The following TRAPPC8 variants were observed in gnomAD, a reference collection of about 807,000 sequenced individuals.
The protein encoded by TRAPPC8 is general sporulation gene 1 homolog.
A neutral mutation model predicts 174.3 loss-of-function variants in TRAPPC8; 54 were observed. That is an observed-to-expected ratio of 0.31 (90% confidence interval 0.25 to 0.39). The LOEUF is 0.39. TRAPPC8 is among the 10% of genes least tolerant of loss of function. TRAPPC8 has a pLI of 1.00. For missense variants in TRAPPC8, 1,531 were observed against 1,699.1 expected (o/e 0.90, Z 1.74); for synonymous variants, 630 against 579.9 (o/e 1.09, Z -1.24).
In TRAPPC8 at chr18:31,877,753, G is replaced by A. The variant is rs535339875; in HGVS notation, c.1729-3049C>T. ...AGCCTGACCAACATGGTGAAACCCC[G>A]TCTCTACTAAAAATACAAAATTAGC... On this transcript the variant is annotated intron_variant, in intron 12 of 28. Coordinates refer to ENST00000283351, the MANE Select transcript of TRAPPC8 (RefSeq NM_014939.5). Among the ~76,000 whole-genome samples the A allele has an allele frequency of 7.9e-5, 12 of 151,274 alleles. No homozygotes were observed. In the South Asian group the frequency reaches 8.4e-4, roughly 11 times the overall value.
In TRAPPC8 at chr18:31,860,028, A is replaced by G. The variant is rs185690514; in HGVS notation, c.2746-2046T>C. On this transcript the variant is annotated intron_variant, in intron 19 of 28. Transcript: ENST00000283351. ...AAGACTCCGTCTCAAAAAAAAAAAA[A>G]GAACAAGTATATTTAGCCTTTACCT... is the stretch of plus-strand genomic sequence containing the variant. Among the ~76,000 whole-genome samples the G allele has an allele frequency of 8.8e-3, 1,343 of 152,008 alleles. 20 individuals are homozygous for G. Among genetic ancestry groups the G allele is most frequent in the African/African-American group, 0.03 (1,235 of 41,462 alleles).
intron 2 of TRAPPC8, among the ~76,000 whole-genome samples, chr18:31,924,198 T>C (rs1230338269): frequency 1.3e-5 from 2 of 151,280 alleles, no homozygotes; most frequent in African/African-American, 2.4e-5. Flanking sequence ...GGCAGGAGAA[T>C]TGCTTGAACT....
chr18:31,909,033 T>C (rs949657068), intron 6 of TRAPPC8, 23 bp from the exon 7 acceptor site: 7 of 1,580,358 alleles, frequency 4.4e-6, no homozygotes, highest in Non-Finnish European at 4.3e-6. Context: ...AGATTATTTC[T>C]TTTACTCTCA....
intron 20 of TRAPPC8, among the ~76,000 whole-genome samples, chr18:31,856,364 G>A (rs1241032134): frequency 6.6e-6 from 1 of 152,080 alleles, no homozygotes; most frequent in Non-Finnish European, 1.5e-5. Flanking sequence ...TTAATGTGCT[G>A]TACTTTGGTG....
chr18:31,880,092 T>A (rs59559858), intron 12 of TRAPPC8, among the ~76,000 whole-genome samples: 38,472 of 80,926 alleles, frequency 0.48, 7,802 homozygotes, highest in Middle Eastern at 0.62. Flanking sequence ...AAAAAAAAAA[T>A]ATATATATAT....
chr18:31,911,179 T>C (rs1018343246), intron 5 of TRAPPC8, among the ~76,000 whole-genome samples: 1 of 152,230 alleles, frequency 6.6e-6, no homozygotes. Context: ...ACAGAGTGCA[T>C]AATATAGTTT....
chr18:31,942,447 C>G, intron 1 of TRAPPC8, 161 bp downstream of exon 1: 2 of 945,492 alleles, frequency 2.1e-6, no homozygotes, highest in Non-Finnish European at 3.0e-6. Context: ...CACGGTCCCT[C>G]CTCCAGCCGC....
Position 31,927,601 on chromosome 18 carries a change from A to G in TRAPPC8, c.352+3728T>C, listed in dbSNP as rs144085671. On this transcript the variant is annotated intron_variant, in intron 2 of 28. Transcript: ENST00000283351. Reference sequence around the variant, plus strand: ...AAAATTTTCTTCAGATGGGGTCTCAATATGTTACCCAGGCTGGTCTTGAAC... The same window carrying G: ...AAAATTTTCTTCAGATGGGGTCTCAGTATGTTACCCAGGCTGGTCTTGAAC... Among the ~76,000 whole-genome samples, 1,065 of 151,948 alleles carry G rather than the reference A, an allele frequency of 7.0e-3. 13 individuals are homozygous for G. Among genetic ancestry groups the G allele is most frequent in the African/African-American group, 0.025 (1,022 of 41,446 alleles).
In TRAPPC8 at chr18:31,832,857, T is replaced by G. The variant is rs114210749; in HGVS notation, c.3984-684A>C. 3.3e-3 allele frequency among the ~76,000 whole-genome samples: 495 copies of G among 152,304 alleles called. 2 individuals are homozygous for G. Among genetic ancestry groups the G allele is most frequent in the African/African-American group, 0.011 (462 of 41,576 alleles). ...AATGAAGCAGGGTTATATACTATTA[T>G]CTACCTTTTACTCTATAAACACAAA... On this transcript the variant is annotated intron_variant, in intron 27 of 28. Transcript: ENST00000283351.
intron 25 of TRAPPC8, among the ~76,000 whole-genome samples, chr18:31,847,650 G>A (rs553370221): frequency 7.9e-5 from 12 of 152,236 alleles, no homozygotes; most frequent in African/African-American, 2.9e-4. Flanking sequence ...GATGGCTCAG[G>A]ACCTGTTCAG....
chr18:31,937,196 G>A (rs1435760335), intron 1 of TRAPPC8, among the ~76,000 whole-genome samples: 1 of 152,168 alleles, frequency 6.6e-6, no homozygotes. Context: ...CTGGGTGACA[G>A]AGCGAGACTC....
intron 1 of TRAPPC8, among the ~76,000 whole-genome samples, chr18:31,932,180 A>G (rs1014567483): frequency 6.6e-6 from 1 of 152,194 alleles, no homozygotes; most frequent in Non-Finnish European, 1.5e-5. Context: ...CTATAATCAC[A>G]GCACTTTGGG....
chr18:31,897,684 G>A lies in TRAPPC8; in HGVS notation c.1596+102C>T, dbSNP rs2036238094. On this transcript the variant is annotated intron_variant, in intron 11 of 28. Transcript: ENST00000283351. The stretch of plus-strand genomic sequence containing the variant: ...TAAATTCCCAAAGACAGATTTCCCT[G>A]GCTAATTTTATGTTTTGTAAAGCCT... The A allele has an allele frequency of 5.0e-6, 4 of 801,276 alleles. No homozygotes were observed. In the African/African-American group the frequency reaches 5.4e-5, roughly 11 times the overall value. 49.6% of individuals were successfully genotyped at this position (801,276 alleles called of 1,614,324 possible). A position where few individuals can be genotyped will look rare whatever the true frequency, so the allele number is the denominator to read the frequency against.
chr18:31,859,617 T>C (rs1026406341), intron 19 of TRAPPC8, among the ~76,000 whole-genome samples: 62 of 152,156 alleles, frequency 4.1e-4, no homozygotes, highest in African/African-American at 1.4e-3. Context: ...GGTTACAGCA[T>C]TGGTAAAATG....
intron 27 of TRAPPC8, among the ~76,000 whole-genome samples, chr18:31,836,618 A>G (rs2032738461): frequency 6.6e-6 from 1 of 152,146 alleles, no homozygotes; most frequent in Admixed American, 6.5e-5. Context: ...ATAAGGATAA[A>G]ACACAAACAT....
intron 12 of TRAPPC8, among the ~76,000 whole-genome samples, chr18:31,880,416 T>G (rs966203015): frequency 3.9e-5 from 6 of 151,920 alleles, no homozygotes; most frequent in African/African-American, 1.4e-4. Flanking sequence ...TCTCAATAGA[T>G]ACAGAAAAAG....
chr18:31,907,960 T>C (rs1289409666), intron 8 of TRAPPC8, among the ~76,000 whole-genome samples: 3 of 152,214 alleles, frequency 2.0e-5, no homozygotes, highest in Non-Finnish European at 4.4e-5. Context: ...AAATGGTTTT[T>C]TGTGTAAAGC....
In TRAPPC8 at chr18:31,839,453, G is replaced by A; in HGVS notation, c.3842C>T (p.Pro1281Leu). 1 of 1,587,574 alleles carries A rather than the reference G, an allele frequency of 6.3e-7. No homozygotes were observed. The highest frequency in any genetic ancestry group is 1.4e-5 in the African/African-American group (1 of 73,314). ...AAATTTCAATAGTTCCATTTCTGGT[G>A]GCTCCTGAGAAAAGAAAGAAAAAAC... ...EAFSYPQKQEPPEMELLKFFR... is the reference protein window; with the variant it reads ...EAFSYPQKQELPEMELLKFFR... Residue 1281 changes from proline to leucine, a missense_variant, in exon 27 of 29, where the codon CCA (proline) becomes CTA (leucine). Pro to Leu is a moderately conservative substitution (Grantham distance 98, BLOSUM62 -3). Transcript: ENST00000283351.
intron 22 of TRAPPC8, 149 bp downstream of exon 22, chr18:31,853,700 A>C: frequency 1.7e-6 from 1 of 575,226 alleles, no homozygotes; most frequent in Non-Finnish European, 3.0e-6. Flanking sequence ...AAGATAGGTA[A>C]TTTGACTTAC....
Sources: gnomAD v4.1 joint callset for allele counts (sites outside exome capture counted in the v4.1 genomes callset) on GRCh38, gnomAD v4.1.1 for gene constraint, MANE v1.5 for transcripts, NCBI Gene and HGNC (gene_info 2026-07-23, HGNC 2026-07-21) for gene names.